The following TRIM34 variants were observed in gnomAD, a reference collection of about 807,000 sequenced individuals.
TRIM34 encodes the protein E3 ubiquitin-protein ligase TRIM34.
A neutral mutation model predicts 38.1 loss-of-function variants in TRIM34; 41 were observed. That is an observed-to-expected ratio of 1.08 (90% CI 0.84 to 1.40). The LOEUF is 1.40. TRIM34 is among the 40% of genes most tolerant of loss of function. The probability of loss-of-function intolerance (pLI) is 0.00; values close to 1 mark genes in which losing one functional copy is unlikely to be tolerated. For synonymous variants in TRIM34, 200 were observed against 202.5 expected (o/e 0.99, Z 0.10); for missense variants, 556 against 571.4 (o/e 0.97, Z 0.27).
upstream of TRIM34, among the ~76,000 whole-genome samples, chr11:5,623,569 C>CG (rs1849077862): frequency 7.2e-6 from 1 of 138,464 alleles, no homozygotes; most frequent in African/African-American, 2.7e-5. Flanking sequence ...TTAGTAGAGA[C>CG]GGGGGTTTCA....
intron 5 of TRIM34, among the ~76,000 whole-genome samples, chr11:5,641,623 G>A (rs1026786737): frequency 3.3e-5 from 5 of 152,164 alleles, no homozygotes; most frequent in African/African-American, 7.2e-5. Context: ...AGAAGGTACC[G>A]GATCATTATG....
intron 1 of TRIM34, among the ~76,000 whole-genome samples, chr11:5,629,157 A>T (rs915132762): frequency 2.6e-5 from 4 of 152,122 alleles, no homozygotes; most frequent in African/African-American, 9.7e-5. Flanking sequence ...TACACCTGTA[A>T]TCCCAGCTAC....
At chr11:5,639,283 A>C (rs1849880787) in intron 4 of TRIM34, among the ~76,000 whole-genome samples, 1 of 152,180 alleles carries the variant, frequency 6.6e-6, no homozygotes. Context: ...CTGGTTGCTA[A>C]TGGAAACCTG....
chr11:5,620,146 T>C (rs938906413), upstream of TRIM34: 1 of 149,230 alleles, frequency 6.7e-6, no homozygotes, highest in Non-Finnish European at 1.5e-5. Context: ...TTGGTTTAGC[T>C]TTTTTTTCCT....
At position 5,632,336 on chromosome 11, in the gene TRIM34, CTTCAAA is replaced by C. The variant is rs747036092; in HGVS notation, c.6_11del (p.Ser3_Lys4del). ...AGAAGCCAGGGAAGCAGTGCAATGG[CTTCAAA>C]AATCTTGCTTAACGTACAAGAGGAG... On this transcript the variant is annotated inframe_deletion, in exon 2 of 8. Coordinates refer to ENST00000429814, the MANE Select transcript of TRIM34 (RefSeq NM_021616.6). The C allele has an allele frequency of 6.2e-7, 1 of 1,614,076 alleles. No homozygotes were observed. The highest frequency in any genetic ancestry group is 2.2e-5 in the East Asian group (1 of 44,858).
At position 5,643,368 on chromosome 11, in the gene TRIM34, T is replaced by G. The variant is rs770783100; in HGVS notation, c.1126T>G (p.Tyr376Asp). 89 of 1,613,948 alleles carry G rather than the reference T, an allele frequency of 5.5e-5. No homozygotes were observed. Among genetic ancestry groups the G allele is most frequent in the Non-Finnish European group, 7.5e-5 (89 of 1,179,992 alleles). The change falls in exon 8 of 8, where the codon TAT (tyrosine) becomes GAT (aspartate). Residue 376 changes from tyrosine (Y) to aspartate (D), a missense_variant. Physicochemically the swap from Tyr to Asp is radical, Grantham distance 160. Transcript: ENST00000429814. Reference sequence around the variant, plus strand: ...TAGAACATATTCCCGCCATATGAAGTATGTTGTTAGAAGATGTGCAAATCG... The same window carrying G: ...TAGAACATATTCCCGCCATATGAAGGATGTTGTTAGAAGATGTGCAAATCG... ...YCRTYSRHMK[Y>D]VVRRCANRQN... is the part of the protein sequence containing the mutation.
intron 5 of TRIM34, 31 bp from the exon 6 acceptor site, chr11:5,642,375 G>T (rs180991818): frequency 1.3e-6 from 2 of 1,596,144 alleles, no homozygotes; most frequent in Admixed American, 3.4e-5. Flanking sequence ...GATGAGAGAT[G>T]TGGGGGTCAA....
upstream of TRIM34, among the ~76,000 whole-genome samples, chr11:5,623,569 C>T (rs1415060337): frequency 2.2e-5 from 3 of 138,464 alleles, no homozygotes; most frequent in Non-Finnish European, 3.1e-5. Context: ...TTAGTAGAGA[C>T]GGGGGTTTCA....
At chr11:5,635,550 CCAG>C (rs1300481690) in intron 4 of TRIM34, among the ~76,000 whole-genome samples, 1 of 152,188 alleles carries the variant, frequency 6.6e-6, no homozygotes, top group Non-Finnish European at 1.5e-5. Context: ...CCCACCGCAC[CCAG>C]CCCCCTGTTA....
intron 4 of TRIM34, 111 bp from the exon 5 acceptor site, chr11:5,641,056 A>C: frequency 7.1e-7 from 1 of 1,409,370 alleles, no homozygotes; most frequent in Admixed American, 2.9e-5. Context: ...TGACATTTTC[A>C]TATAACTCAC....
Position 5,625,078 on chromosome 11 carries a change from T to TG in TRIM34, c.-78+24dup, listed in dbSNP as rs1006280947. The TG allele has an allele frequency of 6.6e-6, 1 of 152,264 alleles. No individual in the cohort carries two copies. The highest frequency in any genetic ancestry group is 1.5e-5 in the Non-Finnish European group (1 of 68,082). The allele number at this position is 152,264 out of a possible 1,614,324, so 9.4% of individuals were successfully genotyped here. A position where few individuals can be genotyped will look rare whatever the true frequency, so the allele number is the denominator to read the frequency against. ...CTCTGAAGGTGTGTGGGGAGGTTTG[T>TG]GGGGGGTAGAGGGTATGAGACTCCA... On this transcript the variant is annotated intron_variant, in intron 1 of 7. Coordinates refer to ENST00000429814, the MANE Select transcript of TRIM34 (RefSeq NM_021616.6).
intron 3 of TRIM34, 101 bp from the exon 4 acceptor site, chr11:5,634,530 C>CACACACACACACAT (rs1491498839): frequency 3.1e-5 from 8 of 262,026 alleles, no homozygotes; most frequent in African/African-American, 9.9e-5. Context: ...CACACACACA[C>CACACACACACACAT]ATATATATAT....
chr11:5,625,994 G>A (rs1201352972), intron 1 of TRIM34, among the ~76,000 whole-genome samples: 1 of 152,194 alleles, frequency 6.6e-6, no homozygotes, highest in African/African-American at 2.4e-5. Context: ...AAGCTCACTT[G>A]TGAGCAATTT....
At chr11:5,637,395 C>T (rs750738389) in intron 4 of TRIM34, among the ~76,000 whole-genome samples, 3 of 152,186 alleles carry the variant, frequency 2.0e-5, no homozygotes, top group Non-Finnish European at 2.9e-5. Context: ...GACAGAAAGA[C>T]GCTCAACTTG....
At position 5,642,433 on chromosome 11, in the gene TRIM34, A is replaced by T. The variant is rs926406346; in HGVS notation, c.801A>T (p.Pro267=). 3 of 1,613,436 alleles carry T rather than the reference A, an allele frequency of 1.9e-6. No homozygotes were observed. In the Admixed American group the frequency reaches 5.0e-5, roughly 27 times the overall value. Residue 267 remains proline, a synonymous_variant, in exon 6 of 8, where the codon CCA becomes CCT. Transcript: ENST00000429814. ...KWSEIWRLKK[P]KMVSKKLKTV... ...GTGAGATCTGGAGGCTGAAAAAGCC[A>T]AAAATGGTTTCCAAGAAACTGAAGA...
chr11:5,634,966 T>C, intron 4 of TRIM34, 105 bp downstream of exon 4: 2 of 1,246,432 alleles, frequency 1.6e-6, no homozygotes, highest in Non-Finnish European at 1.1e-6. Flanking sequence ...GGCCTTGCAG[T>C]GCCGCCTTGT....
upstream of TRIM34, among the ~76,000 whole-genome samples, chr11:5,620,205 TCTCA>T (rs1479412909): frequency 8.3e-6 from 1 of 120,644 alleles, no homozygotes; most frequent in African/African-American, 3.2e-5. Context: ...TGAGACTGAG[TCTCA>T]CTCTGTCGCC....
upstream of TRIM34, among the ~76,000 whole-genome samples, chr11:5,624,248 G>A (rs1254996931): frequency 6.6e-6 from 1 of 152,124 alleles, no homozygotes. Flanking sequence ...TAATGTTACT[G>A]ATATATATGT....
intron 2 of TRIM34, 21 bp from the exon 3 acceptor site, chr11:5,633,783 A>G (rs1289423094): frequency 5.0e-6 from 8 of 1,609,250 alleles, no homozygotes; most frequent in African/African-American, 1.3e-5. Flanking sequence ...GCTTGACTGT[A>G]GTGTGATTCC....
Sources: gnomAD v4.1 joint callset for allele counts (sites outside exome capture counted in the v4.1 genomes callset) on GRCh38, gnomAD v4.1.1 for gene constraint, MANE v1.5 for transcripts, NCBI Gene and HGNC (gene_info 2026-07-23, HGNC 2026-07-21) for gene names.